Variants in CSTPP1 observed in about 807,000 individuals in gnomAD.
The protein encoded by CSTPP1 is centriolar satellite-associated tubulin polyglutamylase complex regulator 1.
the CSTPP1 span, chr11:47,052,637 T>C: frequency 7.4e-7 from 1 of 1,347,200 alleles, no homozygotes; most frequent in Non-Finnish European, 9.9e-7. Context: ...TTCAAACTTT[T>C]TCTTTTGTTC....
At chr11:46,987,099 C>T in the CSTPP1 span, 1 of 1,001,916 alleles carries the variant, frequency 1.0e-6, no homozygotes, top group Admixed American at 1.9e-5. Context: ...TGTCATCAGA[C>T]AGAGCCAACA....
the CSTPP1 span, among the ~76,000 whole-genome samples, chr11:47,010,574 A>C: frequency 6.6e-6 from 1 of 152,168 alleles, no homozygotes; most frequent in African/African-American, 2.4e-5. Flanking sequence ...TGAGCCACTA[A>C]TAATACCCTT....
the CSTPP1 span, among the ~76,000 whole-genome samples, chr11:47,082,123 C>A: frequency 1.4e-5 from 2 of 140,752 alleles, no homozygotes; most frequent in African/African-American, 5.2e-5. Context: ...GCACTCCCGC[C>A]TGGGAGACGG....
the CSTPP1 span, among the ~76,000 whole-genome samples, chr11:47,124,724 G>A: frequency 6.6e-6 from 1 of 152,146 alleles, no homozygotes; most frequent in Non-Finnish European, 1.5e-5. Context: ...AGTAAAACCA[G>A]ACTTTGTCTT....
At chr11:47,164,036 C>G in the CSTPP1 span, 1 of 1,550,912 alleles carries the variant, frequency 6.4e-7, no homozygotes, top group Middle Eastern at 1.7e-4. Context: ...CTCGCTCGCC[C>G]TCAGCCAGCG....
At chr11:47,123,828 C>T in the CSTPP1 span, among the ~76,000 whole-genome samples, 1 of 152,052 alleles carries the variant, frequency 6.6e-6, no homozygotes, top group African/African-American at 2.4e-5. Flanking sequence ...TGGTGAAATC[C>T]CACCTCTACT....
the CSTPP1 span, among the ~76,000 whole-genome samples, chr11:46,973,772 G>T: frequency 7.8e-6 from 1 of 127,964 alleles, no homozygotes; most frequent in African/African-American, 2.9e-5. Context: ...ATGTATACTG[G>T]AGGGTGTATG....
chr11:47,084,507 A>G, the CSTPP1 span, among the ~76,000 whole-genome samples: 2 of 152,140 alleles, frequency 1.3e-5, no homozygotes, highest in African/African-American at 2.4e-5. Context: ...TCTAAAAGCA[A>G]TAGAGGTTTA....
At chr11:47,139,291 A>G in the CSTPP1 span, among the ~76,000 whole-genome samples, 2 of 152,126 alleles carry the variant, frequency 1.3e-5, no homozygotes, top group Non-Finnish European at 2.9e-5. Flanking sequence ...CCACACTCCC[A>G]CACACACCCC....
chr11:47,038,647 T>C, the CSTPP1 span, among the ~76,000 whole-genome samples: 85 of 74,696 alleles, frequency 1.1e-3, no homozygotes, highest in Middle Eastern at 0.022. Flanking sequence ...CCCCCACCTC[T>C]CTCCCGGACG....
At chr11:47,110,764 G>T in the CSTPP1 span, among the ~76,000 whole-genome samples, 1 of 152,172 alleles carries the variant, frequency 6.6e-6, no homozygotes, top group East Asian at 1.9e-4. Flanking sequence ...CCTGCCTCCA[G>T]TTCCCAAAAA....
At chr11:47,045,613 G>A in the CSTPP1 span, among the ~76,000 whole-genome samples, 3 of 152,122 alleles carry the variant, frequency 2.0e-5, no homozygotes, top group Non-Finnish European at 2.9e-5. Context: ...TCAGATAAGT[G>A]ATTATGGATC....
chr11:47,116,443 G>A, the CSTPP1 span, among the ~76,000 whole-genome samples: 1 of 151,916 alleles, frequency 6.6e-6, no homozygotes, highest in African/African-American at 2.4e-5. Flanking sequence ...ATTATTGTGT[G>A]GGAGTCTAAG....
chr11:47,083,080 T>C, the CSTPP1 span, among the ~76,000 whole-genome samples: 1 of 146,512 alleles, frequency 6.8e-6, no homozygotes, highest in Non-Finnish European at 1.5e-5. Flanking sequence ...TTCCCCTCCC[T>C]GTGTCCATGT....
At chr11:47,134,877 AAC>A in the CSTPP1 span, among the ~76,000 whole-genome samples, 1 of 152,134 alleles carries the variant, frequency 6.6e-6, no homozygotes, top group African/African-American at 2.4e-5. Flanking sequence ...CTGTAATCCC[AAC>A]ACTTTGGGAA....
At chr11:46,955,907 C>T in the CSTPP1 span, among the ~76,000 whole-genome samples, 3 of 151,374 alleles carry the variant, frequency 2.0e-5, no homozygotes, top group African/African-American at 4.9e-5. Flanking sequence ...GAGAATCGCC[C>T]GAACCCAAGA....
chr11:47,071,687 G>A, the CSTPP1 span, among the ~76,000 whole-genome samples: 204 of 152,292 alleles, frequency 1.3e-3, 1 homozygote, highest in South Asian at 2.3e-3. Context: ...GCCTGTCTTG[G>A]AAGGAGCACT....
At chr11:47,130,401 T>C in the CSTPP1 span, among the ~76,000 whole-genome samples, 2 of 152,216 alleles carry the variant, frequency 1.3e-5, no homozygotes, top group African/African-American at 4.8e-5. Context: ...TTCGAGGCCA[T>C]TGCCTCTTAT....
the CSTPP1 span, among the ~76,000 whole-genome samples, chr11:46,983,088 A>C: frequency 1.3e-5 from 2 of 152,216 alleles, no homozygotes; most frequent in Non-Finnish European, 2.9e-5. Context: ...TAGAGTCAGC[A>C]TGTAGCAATA....
Sources: allele counts gnomAD v4.1 joint callset (sites outside exome capture counted in the v4.1 genomes callset), GRCh38; gene constraint gnomAD v4.1.1; transcripts MANE v1.5; gene names NCBI Gene and HGNC (gene_info 2026-07-23, HGNC 2026-07-21).